Variants in RGS6 observed in about 807,000 individuals in gnomAD.
RGS6 encodes the protein regulator of G-protein signaling 6.
In RGS6, 30 loss-of-function variants were observed where a neutral mutation model predicts 78.5. That is an observed-to-expected ratio of 0.38 (90% confidence interval 0.29 to 0.52). The LOEUF (loss-of-function observed/expected upper bound fraction) is 0.52, where lower values mean the gene tolerates loss of function less well. Ranked by LOEUF, RGS6 falls within the 20% of genes least tolerant of loss-of-function variation. The pLI is 0.85. For synonymous variants in RGS6, 206 were observed against 206.0 expected (o/e 1.00, Z 0.00); for missense variants, 495 against 609.7 (o/e 0.81, Z 1.98).
chr14:72,603,199 G>A, the RGS6 span, among the ~76,000 whole-genome samples: 2 of 152,152 alleles, frequency 1.3e-5, no homozygotes, highest in Non-Finnish European at 2.9e-5. Context: ...AGTGCATAGT[G>A]GATTTCCTTT....
intron 2 of RGS6, among the ~76,000 whole-genome samples, chr14:72,196,235 G>A (rs1006995046): frequency 6.6e-6 from 1 of 152,206 alleles, no homozygotes; most frequent in Non-Finnish European, 1.5e-5. Flanking sequence ...GTTCTATCTT[G>A]TGTGACTGGG....
chr14:72,355,712 G>C (rs967827321), intron 3 of RGS6, among the ~76,000 whole-genome samples: 1 of 152,198 alleles, frequency 6.6e-6, no homozygotes, highest in Non-Finnish European at 1.5e-5. Context: ...AGGATGGGAA[G>C]TGTTGGAGTG....
the RGS6 span, among the ~76,000 whole-genome samples, chr14:72,610,223 T>G: frequency 6.6e-6 from 1 of 152,234 alleles, no homozygotes. Context: ...ATTGGAGATC[T>G]CAGTGTGTTT....
chr14:72,380,739 G>A (rs2085861170), intron 3 of RGS6, among the ~76,000 whole-genome samples: 1 of 152,078 alleles, frequency 6.6e-6, no homozygotes, highest in Non-Finnish European at 1.5e-5. Flanking sequence ...AACTAGTAGA[G>A]CCACTATGGA....
chr14:72,166,770 C>G (rs552252304), intron 2 of RGS6, among the ~76,000 whole-genome samples: 15 of 152,288 alleles, frequency 9.8e-5, no homozygotes, highest in African/African-American at 3.6e-4. Flanking sequence ...TATAACACAG[C>G]TGGTGGAGGG....
At chr14:72,431,398 G>A (rs750951806) in intron 3 of RGS6, among the ~76,000 whole-genome samples, 5 of 152,138 alleles carry the variant, frequency 3.3e-5, no homozygotes, top group Non-Finnish European at 7.4e-5. Context: ...CATTGTCCAG[G>A]CTGGAATGCA....
the RGS6 span, among the ~76,000 whole-genome samples, chr14:72,617,845 A>T: frequency 6.6e-6 from 1 of 152,200 alleles, no homozygotes; most frequent in Admixed American, 6.5e-5. Flanking sequence ...GCCAGACCAC[A>T]GAGATGGAGC....
intron 2 of RGS6, among the ~76,000 whole-genome samples, chr14:72,011,600 C>T (rs958792557): frequency 3.3e-5 from 5 of 151,476 alleles, no homozygotes; most frequent in Admixed American, 3.3e-4. Flanking sequence ...AAAAATAATG[C>T]AAATAAAACC....
chr14:72,410,340 G>C (rs1289335420), intron 3 of RGS6, among the ~76,000 whole-genome samples: 1 of 152,180 alleles, frequency 6.6e-6, no homozygotes, highest in South Asian at 2.1e-4. Flanking sequence ...ATTTTTTCAT[G>C]TGTTCTTTGG....
rs2061332301 is a variant in RGS6 at position 72,280,097 on chromosome 14, G to T, written c.85-71998G>T. Among the ~76,000 whole-genome samples, 2 of 151,980 alleles carry T rather than the reference G, an allele frequency of 1.3e-5. 1 individual carries two copies. The highest frequency in any genetic ancestry group is 4.2e-4 in the South Asian group (2 of 4,812). ...GAGGCAGGGGTTGTGAAGTCAGCAT[G>T]GTCCCCACCGCCACGCCCCCACCCC... On this transcript the variant is annotated intron_variant, in intron 2 of 17. Coordinates refer to ENST00000553525, the MANE Select transcript of RGS6 (RefSeq NM_001204424.2).
intron 2 of RGS6, among the ~76,000 whole-genome samples, chr14:72,175,052 G>A (rs1303755514): frequency 6.6e-6 from 1 of 152,186 alleles, no homozygotes; most frequent in Non-Finnish European, 1.5e-5. Flanking sequence ...GCTTCACATT[G>A]CAGTAGAGGG....
intron 2 of RGS6, among the ~76,000 whole-genome samples, chr14:71,976,711 G>A (rs1287041832): frequency 2.6e-5 from 4 of 151,918 alleles, no homozygotes; most frequent in East Asian, 1.9e-4. Context: ...GAATAATGCC[G>A]CAATAAACAT....
chr14:72,249,990 A>G (rs1005631079), intron 2 of RGS6, among the ~76,000 whole-genome samples: 16 of 150,944 alleles, frequency 1.1e-4, no homozygotes, highest in African/African-American at 3.4e-4. Context: ...TGTCGCAAGA[A>G]CAAAAAACCA....
At chr14:71,962,655 A>G (rs182863813) in intron 1 of RGS6, among the ~76,000 whole-genome samples, 11 of 152,362 alleles carry the variant, frequency 7.2e-5, no homozygotes, top group Admixed American at 2.6e-4. Flanking sequence ...ATTACAGTGT[A>G]TAGAGATAAT....
At chr14:72,118,227 A>G (rs2095954794) in intron 2 of RGS6, among the ~76,000 whole-genome samples, 1 of 151,968 alleles carries the variant, frequency 6.6e-6, no homozygotes, top group African/African-American at 2.4e-5. Context: ...GTAAGGCTAT[A>G]ATGGGAGACA....
intron 2 of RGS6, among the ~76,000 whole-genome samples, chr14:72,201,389 A>G (rs1200754031): frequency 6.6e-6 from 1 of 152,184 alleles, no homozygotes; most frequent in Non-Finnish European, 1.5e-5. Flanking sequence ...CAAGTCTGAT[A>G]AGAATGACAA....
chr14:72,269,564 T>C (rs2059604424), intron 2 of RGS6, among the ~76,000 whole-genome samples: 1 of 76,758 alleles, frequency 1.3e-5, no homozygotes, highest in East Asian at 7.4e-4. Flanking sequence ...AAACCTATCT[T>C]AAATTTTTTT....
At chr14:72,013,396 C>T (rs2086271351) in intron 2 of RGS6, among the ~76,000 whole-genome samples, 1 of 151,256 alleles carries the variant, frequency 6.6e-6, no homozygotes, top group African/African-American at 2.4e-5. Context: ...ATCCAGGAAC[C>T]ATGAACACAG....
chr14:72,095,642 G>A (rs1019232231), intron 2 of RGS6, among the ~76,000 whole-genome samples: 16 of 152,190 alleles, frequency 1.1e-4, no homozygotes, highest in African/African-American at 3.9e-4. Context: ...AAACAAAGAC[G>A]AGAGCATTCA....
Sources: gnomAD v4.1 joint callset for allele counts (sites outside exome capture counted in the v4.1 genomes callset) on GRCh38, gnomAD v4.1.1 for gene constraint, MANE v1.5 for transcripts, NCBI Gene and HGNC (gene_info 2026-07-23, HGNC 2026-07-21) for gene names.